CX3CR1: variants seen among roughly 807,000 people sequenced by gnomAD.
CX3CR1 encodes CX3C chemokine receptor 1.
For missense variants in CX3CR1, 363 were observed against 432.4 expected, an observed-to-expected ratio of 0.84 and a Z score of 1.42; for synonymous variants, 168 against 178.5, an observed-to-expected ratio of 0.94 and a Z score of 0.47.
chr3:39,285,749 C>A (rs78522747), upstream of CX3CR1, among the ~76,000 whole-genome samples: 2,082 of 152,214 alleles, frequency 0.014, 44 homozygotes, highest in African/African-American at 0.047. Context: ...TGGAACTTAC[C>A]AATGGAAGAA....
chr3:39,263,702 C>T lies in CX3CR1; in HGVS notation c.*1740G>A, dbSNP rs1267218207. The T allele has an allele frequency of 6.6e-6, 1 of 152,200 alleles. No homozygotes were observed. The highest frequency in any genetic ancestry group is 2.4e-5 in the African/African-American group (1 of 41,446). 9.4% of individuals were successfully genotyped at this position (152,200 alleles called of 1,614,324 possible). On this transcript the variant is annotated 3_prime_UTR_variant, in exon 2 of 2. Transcript: ENST00000399220. The stretch of plus-strand genomic sequence containing the variant: ...CATCTGACTTCAATGAATACACAGT[C>T]TGGTAGAGTCTTCTAAAATGATAAT...
intron 1 of CX3CR1, among the ~76,000 whole-genome samples, chr3:39,269,896 G>A (rs1335067116): frequency 1.3e-5 from 2 of 152,236 alleles, no homozygotes; most frequent in Non-Finnish European, 2.9e-5. Context: ...TACCAATATC[G>A]CTTTCTATGA....
chr3:39,272,927 C>T (rs1193788942), intron 1 of CX3CR1, among the ~76,000 whole-genome samples: 1 of 152,202 alleles, frequency 6.6e-6, no homozygotes, highest in Non-Finnish European at 1.5e-5. Flanking sequence ...AAGATCCCAC[C>T]ACATTCTCTT....
At chr3:39,288,009 T>G in the CX3CR1 span, 1 of 151,768 alleles carries the variant, frequency 6.6e-6, no homozygotes, top group Non-Finnish European at 1.5e-5. Context: ...TGTGTGTGTG[T>G]GTGTTTTAAA....
At chr3:39,280,833 G>A (rs941796107), upstream of CX3CR1, among the ~76,000 whole-genome samples, 2 of 152,198 alleles carry the variant, frequency 1.3e-5, no homozygotes, top group Non-Finnish European at 2.9e-5. Flanking sequence ...CGACTGCAAC[G>A]TGAATCTCAA....
At chr3:39,273,456 T>C (rs2040802985) in intron 1 of CX3CR1, among the ~76,000 whole-genome samples, 1 of 152,222 alleles carries the variant, frequency 6.6e-6, no homozygotes, top group Non-Finnish European at 1.5e-5. Flanking sequence ...ATGATAGTGC[T>C]TTTAAGAGCC....
chr3:39,283,644 G>T (rs1376832960), upstream of CX3CR1, among the ~76,000 whole-genome samples: 3 of 151,110 alleles, frequency 2.0e-5, no homozygotes, highest in Non-Finnish European at 3.0e-5. Context: ...GCCAGGCGTG[G>T]TGGCGGGTGC....
At chr3:39,272,884 C>G (rs2040794532) in intron 1 of CX3CR1, among the ~76,000 whole-genome samples, 1 of 152,194 alleles carries the variant, frequency 6.6e-6, no homozygotes, top group Non-Finnish European at 1.5e-5. Flanking sequence ...GCTGCCATTC[C>G]CGGATGCCTG....
chr3:39,267,868 G>T (rs2040724871), intron 1 of CX3CR1, among the ~76,000 whole-genome samples: 1 of 152,218 alleles, frequency 6.6e-6, no homozygotes, highest in African/African-American at 2.4e-5. Flanking sequence ...TCTTTTCGCA[G>T]CCAGGACTTG....
At chr3:39,266,559 G>T in intron 1 of CX3CR1, 41 bp from the exon 2 acceptor site, 1 of 1,600,990 alleles carries the variant, frequency 6.2e-7, no homozygotes, top group South Asian at 1.1e-5. Flanking sequence ...TTAGTTATCA[G>T]AGAAACAAAG....
chr3:39,280,130 C>T, upstream of CX3CR1: 1 of 970,946 alleles, frequency 1.0e-6, no homozygotes, highest in South Asian at 4.8e-5. Context: ...CTGCCACAGG[C>T]AAGCTCAGAT....
chr3:39,266,473 C>CAT lies in CX3CR1; in HGVS notation c.36_37insAT (p.Glu13MetfsTer41). The CAT allele has an allele frequency of 6.2e-7, 1 of 1,614,016 alleles. No individual in the cohort carries two copies. Among genetic ancestry groups the CAT allele is most frequent in the South Asian group, 1.1e-5 (1 of 91,078 alleles). ...CAGGCCTCAGCCAAATCATCGTACT[C>CAT]AAAGTTTTCTGTCACTGATTCAGGG... On this transcript the variant is annotated frameshift_variant, in exon 2 of 2. Transcript: ENST00000399220. LOFTEE classifies it low-confidence loss of function (END_TRUNC).
At chr3:39,273,649 G>A (rs949899258) in intron 1 of CX3CR1, among the ~76,000 whole-genome samples, 8 of 152,198 alleles carry the variant, frequency 5.3e-5, no homozygotes, top group Non-Finnish European at 7.4e-5. Context: ...GAAGGAAACT[G>A]TTTGTTTGAG....
At chr3:39,279,905 C>T (rs1479278088) in intron 1 of CX3CR1, 49 bp downstream of exon 1, 1 of 858,746 alleles carries the variant, frequency 1.2e-6, no homozygotes, top group Non-Finnish European at 1.4e-6. Context: ...TATTAGCTGT[C>T]CACTGCTCCA....
upstream of CX3CR1, among the ~76,000 whole-genome samples, chr3:39,282,882 G>A (rs1329429222): frequency 6.6e-6 from 1 of 151,476 alleles, no homozygotes; most frequent in African/African-American, 2.5e-5. Context: ...TATGATGCAG[G>A]TGCTAATGTT....
At chr3:39,284,146 G>T (rs1432445064), upstream of CX3CR1, among the ~76,000 whole-genome samples, 1 of 151,346 alleles carries the variant, frequency 6.6e-6, no homozygotes, top group Non-Finnish European at 1.5e-5. Flanking sequence ...GTTGGGGAGT[G>T]ATTAAAAAAA....
At chr3:39,282,017 G>A (rs2040907381), upstream of CX3CR1, among the ~76,000 whole-genome samples, 2 of 152,184 alleles carry the variant, frequency 1.3e-5, no homozygotes, top group Non-Finnish European at 2.9e-5. Context: ...GGATGGGGAG[G>A]TTATAGGAAG....
upstream of CX3CR1, among the ~76,000 whole-genome samples, chr3:39,283,842 A>ATATATAG (rs2040927795): frequency 1.5e-5 from 1 of 67,256 alleles, no homozygotes; most frequent in South Asian, 7.6e-4. Flanking sequence ...TATATATATA[A>ATATATAG]TGTGGTTAAT....
At chr3:39,281,545 G>C, upstream of CX3CR1, 1 of 1,385,942 alleles carries the variant, frequency 7.2e-7, no homozygotes, top group Non-Finnish European at 1.0e-6. Context: ...TCCATCCAGG[G>C]CCTGGATAAT....
Sources: gnomAD v4.1 joint callset for allele counts (sites outside exome capture counted in the v4.1 genomes callset) on GRCh38, gnomAD v4.1.1 for gene constraint, MANE v1.5 for transcripts, NCBI Gene and HGNC (gene_info 2026-07-23, HGNC 2026-07-21) for gene names.